The following ELAVL4 variants were observed in gnomAD, a reference collection of about 807,000 sequenced individuals.
ELAVL4 encodes ELAV like RNA binding protein 4.
Under a neutral mutation model 35.6 loss-of-function variants are expected in ELAVL4, and 1 was observed. That is an observed-to-expected ratio of 0.03 (90% CI 0.01 to 0.13). The LOEUF (loss-of-function observed/expected upper bound fraction) is 0.13. ELAVL4 is among the 10% of genes least tolerant of loss of function. The probability of loss-of-function intolerance (pLI) is 1.00; values close to 1 mark genes in which losing one functional copy is unlikely to be tolerated. For synonymous variants in ELAVL4, 156 were observed against 171.0 expected (o/e 0.91, Z 0.69); for missense variants, 267 against 464.9 (o/e 0.57, Z 3.91).
intron 2 of ELAVL4, among the ~76,000 whole-genome samples, chr1:50,173,743 A>T (rs527355940): frequency 6.6e-6 from 1 of 152,350 alleles, no homozygotes; most frequent in East Asian, 1.9e-4. Flanking sequence ...ACAAAAATAC[A>T]GCTTGTTTTA....
chr1:50,109,016 C>CGGGCGGGG lies in ELAVL4; in HGVS notation c.-174_-173insGGGCGGGG. On this transcript the variant is annotated 5_prime_UTR_variant, in exon 1 of 7. Transcript: ENST00000371824. ...CTCCTTTTCTTTTTTTTCTTTCTCTCCCCCGCCCACCCCCCCAAAAATAAT... is the reference window on the plus strand; with the variant it reads ...CTCCTTTTCTTTTTTTTCTTTCTCTCGGGCGGGGCCCCGCCCACCCCCCCAAAAATAAT... The CGGGCGGGG allele has an allele frequency of 3.3e-6, 3 of 905,750 alleles. No homozygotes were observed. The highest frequency in any genetic ancestry group is 3.9e-6 in the Non-Finnish European group (3 of 761,364). The allele number at this position is 905,750 out of a possible 1,614,324, so 56.1% of individuals were successfully genotyped here. A position where few individuals can be genotyped will look rare whatever the true frequency, so the allele number is the denominator to read the frequency against.
At chr1:50,118,751 T>A (rs1039498856) in intron 1 of ELAVL4, among the ~76,000 whole-genome samples, 1 of 151,910 alleles carries the variant, frequency 6.6e-6, no homozygotes, top group Non-Finnish European at 1.5e-5. Context: ...CAAATTGTCC[T>A]GAAGGGATTC....
At chr1:50,144,875 CA>C in intron 1 of ELAVL4, 81 bp from the exon 2 acceptor site, 21 of 1,566,004 alleles carry the variant, frequency 1.3e-5, no homozygotes, top group Non-Finnish European at 1.7e-5. Flanking sequence ...TCTTTCTTTT[CA>C]AAAAAATTAA....
chr1:50,071,409 C>A (rs1346739691), intron 1 of ELAVL4, among the ~76,000 whole-genome samples: 1 of 152,130 alleles, frequency 6.6e-6, no homozygotes, highest in African/African-American at 2.4e-5. Flanking sequence ...TTTGTAACAA[C>A]TTTTTTTCTT....
upstream of ELAVL4, among the ~76,000 whole-genome samples, chr1:50,108,350 G>A (rs992125264): frequency 6.6e-6 from 1 of 152,166 alleles, no homozygotes; most frequent in African/African-American, 2.4e-5. Context: ...GGCCATGTTA[G>A]CTGGAGAAGG....
intron 2 of ELAVL4, among the ~76,000 whole-genome samples, chr1:50,167,240 G>T (rs1678097336): frequency 6.6e-6 from 1 of 152,174 alleles, no homozygotes; most frequent in African/African-American, 2.4e-5. Context: ...AGCTGCTTCA[G>T]GATGATGGGG....
intron 3 of ELAVL4, among the ~76,000 whole-genome samples, chr1:50,185,456 A>C (rs1681678517): frequency 6.6e-6 from 1 of 152,234 alleles, no homozygotes. Flanking sequence ...TGCCAAGCAC[A>C]CGGCTTTTAT....
intron 3 of ELAVL4, among the ~76,000 whole-genome samples, chr1:50,183,152 C>A (rs1476909418): frequency 6.6e-6 from 1 of 152,118 alleles, no homozygotes; most frequent in Non-Finnish European, 1.5e-5. Flanking sequence ...GCCACTGCGC[C>A]CGGCCGATTT....
At chr1:50,163,142 A>G (rs1025309464) in intron 2 of ELAVL4, among the ~76,000 whole-genome samples, 5 of 152,144 alleles carry the variant, frequency 3.3e-5, no homozygotes, top group African/African-American at 9.7e-5. Context: ...GGAATGCTCT[A>G]CTATACCTGT....
At chr1:50,151,706 G>A (rs919152830) in intron 2 of ELAVL4, among the ~76,000 whole-genome samples, 5 of 152,196 alleles carry the variant, frequency 3.3e-5, no homozygotes, top group African/African-American at 1.2e-4. Flanking sequence ...ACAATGTGAT[G>A]TATCTCCTGA....
rs117257235 is a variant in ELAVL4 at position 50,054,445 on chromosome 1, T to C, written c.18+6263T>C. Among the ~76,000 whole-genome samples, 1,238 of 152,246 alleles carry C rather than the reference T, an allele frequency of 8.1e-3. 8 individuals carry two copies. The highest frequency in any genetic ancestry group is 0.031 in the Middle Eastern group (9 of 294). On this transcript the variant is annotated intron_variant, in intron 1 of 6. Transcript: ENST00000448907. ...ACTGAAAATTCCCTTTTCTGTTTGA[T>C]TTTTGTCCTCATGATTGGAACTTTT...
intron 3 of ELAVL4, among the ~76,000 whole-genome samples, chr1:50,188,378 C>T (rs1211108595): frequency 4.6e-5 from 7 of 152,110 alleles, no homozygotes; most frequent in Non-Finnish European, 7.4e-5. Flanking sequence ...GAACAGAATG[C>T]CTGGCTCATG....
intron 2 of ELAVL4, among the ~76,000 whole-genome samples, chr1:50,155,436 A>G (rs2148730250): frequency 6.6e-6 from 1 of 152,182 alleles, no homozygotes; most frequent in Non-Finnish European, 1.5e-5. Flanking sequence ...GCCTGAAATC[A>G]TATACATGGA....
Position 50,201,364 on chromosome 1 carries a change from A to ATCCAGTGTTGCCTAAGTATTAAAACATT in ELAVL4, c.*186_*187insTCCAGTGTTGCCTAAGTATTAAAACATT. ...GGATTATCCTGAGGTGTACCAGGAAAGGATTTTATAATGCTTAGAAAAAAA... is the reference window on the plus strand; with the variant it reads ...GGATTATCCTGAGGTGTACCAGGAAATCCAGTGTTGCCTAAGTATTAAAACATTGGATTTTATAATGCTTAGAAAAAAA... On this transcript the variant is annotated 3_prime_UTR_variant, in exon 7 of 7. Transcript: ENST00000371824. This position sits in a 1 kb window ranked among gnomAD's most constrained non-coding sequence, Gnocchi z 4.3. 1.9e-6 allele frequency: 1 copy of ATCCAGTGTTGCCTAAGTATTAAAACATT among 530,044 alleles called. No homozygotes were observed. The highest frequency in any genetic ancestry group is 2.9e-6 in the Non-Finnish European group (1 of 350,560). The allele number at this position is 530,044 out of a possible 1,614,324, so 32.8% of individuals were successfully genotyped here.
intron 3 of ELAVL4, among the ~76,000 whole-genome samples, chr1:50,178,318 A>ATT (rs1680431910): frequency 6.6e-6 from 1 of 152,244 alleles, no homozygotes; most frequent in African/African-American, 2.4e-5. Context: ...ACACAAAACC[A>ATT]GAACTTTTTA....
intron 2 of ELAVL4, among the ~76,000 whole-genome samples, chr1:50,149,127 G>A (rs1188964217): frequency 6.6e-6 from 1 of 152,164 alleles, no homozygotes; most frequent in African/African-American, 2.4e-5. Context: ...GCCAGGCGCA[G>A]TGACTCACGC....
intron 1 of ELAVL4, among the ~76,000 whole-genome samples, chr1:50,093,375 A>T (rs1239395821): frequency 1.3e-5 from 2 of 152,198 alleles, no homozygotes; most frequent in Non-Finnish European, 2.9e-5. Context: ...TCTTGAGAAG[A>T]TTGACCATAC....
chr1:50,179,450 A>G (rs1680663940), intron 3 of ELAVL4: 1 of 152,196 alleles, frequency 6.6e-6, no homozygotes, highest in African/African-American at 2.4e-5. Flanking sequence ...GGTAAAAATC[A>G]TATTAAAGGA....
At chr1:50,090,643 G>A (rs1359988742) in intron 1 of ELAVL4, among the ~76,000 whole-genome samples, 4 of 152,084 alleles carry the variant, frequency 2.6e-5, no homozygotes, top group Non-Finnish European at 5.9e-5. Context: ...CTCATCTAGT[G>A]GCTCTGTTCT....
Sources: gnomAD v4.1 joint callset for allele counts (sites outside exome capture counted in the v4.1 genomes callset) on GRCh38, gnomAD v4.1.1 for gene constraint, Gnocchi (gnomAD v3.1) non-coding constraint, MANE v1.5 for transcripts, NCBI Gene and HGNC (gene_info 2026-07-23, HGNC 2026-07-21) for gene names.